PTPRD: variants seen among roughly 807,000 people sequenced by gnomAD.
PTPRD encodes receptor-type tyrosine-protein phosphatase delta.
A neutral mutation model predicts 214.5 loss-of-function variants in PTPRD; 34 were observed. That is an observed-to-expected ratio of 0.16 (90% CI 0.12 to 0.21). PTPRD has a LOEUF of 0.21. Ranked by LOEUF, PTPRD falls within the 10% of genes least tolerant of loss-of-function variation. PTPRD has a pLI of 1.00. For missense variants in PTPRD, 2,545 were observed against 2,398.7 expected (o/e 1.06, Z -1.27); for synonymous variants, 1,128 against 845.7 (o/e 1.33, Z -5.79).
intron 43 of PTPRD, among the ~76,000 whole-genome samples, chr9:8,337,251 T>G (rs1157399925): frequency 6.6e-6 from 1 of 152,188 alleles, no homozygotes; most frequent in Non-Finnish European, 1.5e-5. Flanking sequence ...ATATACACTA[T>G]GGAATATTAT....
At chr9:9,132,031 G>A (rs1005773962) in intron 10 of PTPRD, among the ~76,000 whole-genome samples, 4 of 151,938 alleles carry the variant, frequency 2.6e-5, no homozygotes, top group East Asian at 3.9e-4. Context: ...GTTTTGAGAC[G>A]GAGTCTGTCT....
chr9:8,455,481 T>C (rs1018825138), intron 33 of PTPRD, among the ~76,000 whole-genome samples: 5 of 152,170 alleles, frequency 3.3e-5, no homozygotes, highest in African/African-American at 1.2e-4. Context: ...TTGAGGCAAA[T>C]TGCAAAGTTT....
intron 8 of PTPRD, among the ~76,000 whole-genome samples, chr9:9,437,842 G>T (rs1435110699): frequency 6.6e-6 from 1 of 152,098 alleles, no homozygotes; most frequent in African/African-American, 2.4e-5. Flanking sequence ...GTCAACAAAG[G>T]TTTAATTGTT....
At chr9:9,934,192 T>C (rs962550851) in intron 5 of PTPRD, among the ~76,000 whole-genome samples, 118 of 147,256 alleles carry the variant, frequency 8.0e-4, no homozygotes, top group Non-Finnish European at 1.5e-3. Context: ...AGCAAACACA[T>C]TCAAAAGCTA....
intron 2 of PTPRD, among the ~76,000 whole-genome samples, chr9:10,502,685 C>A (rs559932362): frequency 2.8e-4 from 43 of 152,172 alleles, no homozygotes; most frequent in African/African-American, 1.0e-3. Context: ...TACACAGATA[C>A]AAAAACTGTA....
At chr9:10,295,128 A>T (rs538684275) in intron 3 of PTPRD, among the ~76,000 whole-genome samples, 57 of 152,144 alleles carry the variant, frequency 3.7e-4, no homozygotes, top group African/African-American at 1.0e-3. Flanking sequence ...GTATACATGG[A>T]TTGCCTTAAT....
At chr9:8,568,289 C>G (rs564373830) in intron 14 of PTPRD, among the ~76,000 whole-genome samples, 2 of 151,992 alleles carry the variant, frequency 1.3e-5, no homozygotes, top group African/African-American at 4.8e-5. Context: ...AAACCAGGAC[C>G]AAGAATTTCA....
rs33971552 is a variant in PTPRD, at chr9:8,925,858, ATT to A, written c.-104+92837_-104+92838del. On this transcript the variant is annotated intron_variant, in intron 11 of 45. Coordinates refer to ENST00000381196, the MANE Select transcript of PTPRD (RefSeq NM_002839.4). ...AATTTGTCAGCTGGACTATTGCAATATTTTTTTTTTTTTTTTTTTACTGATCT... is the reference window on the plus strand; with the variant it reads ...AATTTGTCAGCTGGACTATTGCAATATTTTTTTTTTTTTTTTTACTGATCT... 9.1e-4 allele frequency among the ~76,000 whole-genome samples: 109 copies of A among 120,136 alleles called. 2 individuals carry two copies. Among genetic ancestry groups the A allele is most frequent in the Middle Eastern group, 4.9e-3 (1 of 206 alleles). 78.8% of individuals were successfully genotyped at this position (120,136 alleles called of 152,430 possible). A position where few individuals can be genotyped will look rare whatever the true frequency, so the allele number is the denominator to read the frequency against.
chr9:9,456,328 T>C (rs1428725030), intron 8 of PTPRD, among the ~76,000 whole-genome samples: 2 of 151,778 alleles, frequency 1.3e-5, no homozygotes, highest in Non-Finnish European at 2.9e-5. Flanking sequence ...CTTCCAGGTA[T>C]TGATTAGGAA....
intron 8 of PTPRD, among the ~76,000 whole-genome samples, chr9:9,457,295 T>A (rs767514587): frequency 6.6e-6 from 1 of 151,944 alleles, no homozygotes. Flanking sequence ...TTCAATATAG[T>A]CCTTTATGAT....
chr9:10,169,392 T>G (rs1363793516), intron 3 of PTPRD, among the ~76,000 whole-genome samples: 4 of 144,218 alleles, frequency 2.8e-5, no homozygotes, highest in Non-Finnish European at 6.0e-5. Context: ...GAGAATGGCG[T>G]GAACCCCGGA....
In PTPRD at chr9:8,460,516, G is replaced by C. The variant is rs748838568; in HGVS notation, c.3770C>G (p.Pro1257Arg). ...TTCTTCTTCATCCGTGATTGGCTGC[G>C]GATCCAGATCCATTGACACCACGGG... ...SDPVVSMDLD[P>R]QPITDEEEGL... The change falls in exon 33 of 46, where the codon CCG becomes CGG. Residue 1257 changes from proline (P) to arginine (R), a missense_variant. Transcript: ENST00000381196. 4.3e-6 allele frequency: 7 copies of C among 1,613,388 alleles called. No individual in the cohort carries two copies. Among genetic ancestry groups the C allele is most frequent in the Non-Finnish European group, 3.4e-6 (4 of 1,179,644 alleles).
rs1485687504 is a variant in PTPRD at position 8,315,349 on chromosome 9, G to C, written c.*2525C>G. The C allele has an allele frequency of 4.3e-6, 1 of 232,488 alleles. No homozygotes were observed. Among genetic ancestry groups the C allele is most frequent in the African/African-American group, 2.2e-5 (1 of 45,254 alleles). The allele number at this position is 232,488 out of a possible 1,614,324, so 14.4% of individuals were successfully genotyped here. Reference sequence around the variant, plus strand: ...AAATGGGCAGTTATTGTTTCAGGGAGAGAAGCTGCTCATTGGCCAATCATT... The same window carrying C: ...AAATGGGCAGTTATTGTTTCAGGGACAGAAGCTGCTCATTGGCCAATCATT... On this transcript the variant is annotated 3_prime_UTR_variant, in exon 46 of 46. Coordinates refer to ENST00000381196, the MANE Select transcript of PTPRD (RefSeq NM_002839.4).
At chr9:9,695,216 G>A (rs116027775) in intron 7 of PTPRD, among the ~76,000 whole-genome samples, 1,587 of 152,220 alleles carry the variant, frequency 0.01, 28 homozygotes, top group African/African-American at 0.036. Flanking sequence ...AAGGCACTGG[G>A]TTCCATTTTG....
At chr9:10,009,524 G>A (rs2096554769) in intron 4 of PTPRD, among the ~76,000 whole-genome samples, 1 of 152,058 alleles carries the variant, frequency 6.6e-6, no homozygotes, top group South Asian at 2.1e-4. Context: ...AGAAAGGAGT[G>A]TCTGGTTTAA....
At chr9:9,119,687 C>A (rs978127588) in intron 10 of PTPRD, among the ~76,000 whole-genome samples, 4 of 152,032 alleles carry the variant, frequency 2.6e-5, no homozygotes, top group Non-Finnish European at 4.4e-5. Context: ...CCACACCTGG[C>A]TGATTTTTTG....
intron 8 of PTPRD, among the ~76,000 whole-genome samples, chr9:9,495,489 C>G (rs914458994): frequency 6.6e-6 from 1 of 152,068 alleles, no homozygotes; most frequent in Non-Finnish European, 1.5e-5. Flanking sequence ...GCCCGCCCTG[C>G]CCCTATCCTG....
intron 10 of PTPRD, among the ~76,000 whole-genome samples, chr9:9,111,383 A>G (rs2154449660): frequency 6.6e-6 from 1 of 151,910 alleles, no homozygotes; most frequent in East Asian, 1.9e-4. Flanking sequence ...TAGAACCGGA[A>G]TCTTCTGATC....
intron 8 of PTPRD, among the ~76,000 whole-genome samples, chr9:9,490,861 G>A (rs192310787): frequency 6.6e-6 from 1 of 150,774 alleles, no homozygotes; most frequent in African/African-American, 2.4e-5. Flanking sequence ...ACAGAGGTAA[G>A]TTATTCCTTA....
Sources: gnomAD v4.1 joint callset for allele counts (sites outside exome capture counted in the v4.1 genomes callset) on GRCh38, gnomAD v4.1.1 for gene constraint, MANE v1.5 for transcripts, NCBI Gene and HGNC (gene_info 2026-07-23, HGNC 2026-07-21) for gene names.